The following BOD1L1 variants were observed in gnomAD, a reference collection of about 807,000 sequenced individuals.
BOD1L1 encodes the protein biorientation of chromosomes in cell division protein 1-like 1.
BOD1L1 carries 86 observed loss-of-function variants against 240.7 expected under a neutral mutation model. The observed-to-expected ratio is 0.36, with a 90% CI of 0.30 to 0.43. The LOEUF (loss-of-function observed/expected upper bound fraction) is 0.43. Ranked by LOEUF, BOD1L1 falls within the 20% of genes least tolerant of loss-of-function variation. BOD1L1 has a pLI of 1.00. For missense variants in BOD1L1, 3,554 were observed against 3,643.5 expected, an observed-to-expected ratio of 0.98 and a Z score of 0.63; for synonymous variants, 1,268 against 1,272.3, an observed-to-expected ratio of 1.00 and a Z score of 0.07.
At chr4:13,584,430 AAGAGAG>A (rs776383948) in intron 17 of BOD1L1, among the ~76,000 whole-genome samples, 1 of 109,940 alleles carries the variant, frequency 9.1e-6, no homozygotes, top group Non-Finnish European at 1.9e-5. Context: ...CGGGGAGAGA[AAGAGAG>A]AGAGAGTGTG....
chr4:13,614,883 G>A, intron 3 of BOD1L1, 73 bp from the exon 4 acceptor site: 1 of 1,410,000 alleles, frequency 7.1e-7, no homozygotes, highest in Non-Finnish European at 9.5e-7. Flanking sequence ...AATACCACAT[G>A]CCATTGTCAT....
chr4:13,605,054 T>C lies in BOD1L1; in HGVS notation c.1846A>G (p.Lys616Glu). The part of the protein sequence containing the change: ...HCEKEKISSS[K>E]ELKHVHAKSE... Reference sequence around the variant, plus strand: ...TTTGCATGAACATGCTTCAGCTCCTTTGAAGAAGAAATTTTTTCCTTTTCA... The same window carrying C: ...TTTGCATGAACATGCTTCAGCTCCTCTGAAGAAGAAATTTTTTCCTTTTCA... Residue 616 changes from lysine (K) to glutamate (E), a missense_variant, in exon 10 of 26, where the codon AAG (lysine) becomes GAG (glutamate). Around this residue, in one of 2 missense-constraint regions of BOD1L1, gnomAD observed 3,393 missense variants for 3,427.1 expected, o/e 0.99. Transcript: ENST00000040738. 1.3e-6 allele frequency: 2 copies of C among 1,559,204 alleles called. No homozygotes were observed. The highest frequency in any genetic ancestry group is 1.7e-6 in the Non-Finnish European group (2 of 1,160,144).
At chr4:13,579,212 T>A (rs763980261) in intron 22 of BOD1L1, among the ~76,000 whole-genome samples, 1 of 152,194 alleles carries the variant, frequency 6.6e-6, no homozygotes, top group Non-Finnish European at 1.5e-5. Context: ...ACAGCTTTAA[T>A]TGGAGTCCTT....
At chr4:13,577,698 C>G (rs554244159) in intron 22 of BOD1L1, 67 bp from the exon 23 acceptor site, 1 of 1,199,408 alleles carries the variant, frequency 8.3e-7, no homozygotes, top group East Asian at 2.5e-5. Flanking sequence ...AACAATCAGC[C>G]TGGCTTGTCT....
At chr4:13,584,486 G>C (rs908617538) in intron 17 of BOD1L1, among the ~76,000 whole-genome samples, 2 of 147,570 alleles carry the variant, frequency 1.4e-5, no homozygotes, top group Admixed American at 6.8e-5. Flanking sequence ...GTGTGTGTTG[G>C]AGCGAGTTTA....
intron 14 of BOD1L1, 78 bp downstream of exon 14, chr4:13,590,308 A>G: frequency 1.5e-6 from 1 of 676,142 alleles, no homozygotes; most frequent in South Asian, 2.4e-5. Flanking sequence ...TAATTAACAC[A>G]AGGCCTGGTA....
At chr4:13,577,675 A>G (rs1479086768) in intron 22 of BOD1L1, 44 bp from the exon 23 acceptor site, 1 of 1,419,756 alleles carries the variant, frequency 7.0e-7, no homozygotes, top group South Asian at 1.3e-5. Context: ...TTATTACTGT[A>G]AATTTAAATT....
At chr4:13,615,579 A>G (rs781457732) in intron 2 of BOD1L1, 77 bp from the exon 3 acceptor site, 78 of 1,291,708 alleles carry the variant, frequency 6.0e-5, no homozygotes, top group Non-Finnish European at 8.1e-5. Flanking sequence ...ATAACACTCT[A>G]CAATCTGTCA....
Position 13,604,497 on chromosome 4 carries a change from T to A in BOD1L1, c.2403A>T (p.Val801=). ...SKHRNERKLS[V]LGKDGKPVSE... is the part of the protein sequence containing the mutation. ...AAACTGGCTTTCCATCTTTGCCTAA[T>A]ACTGATAATTTCCTTTCATTCCTAT... The change falls in exon 10 of 26, where the codon GTA becomes GTT. Residue 801 remains valine, a synonymous_variant. Coordinates refer to ENST00000040738, the MANE Select transcript of BOD1L1 (RefSeq NM_148894.3). 6.5e-7 allele frequency: 1 copy of A among 1,534,056 alleles called. No homozygotes were observed.
Position 13,602,996 on chromosome 4 carries a change from G to C in BOD1L1, c.3904C>G (p.Pro1302Ala), listed in dbSNP as rs775142510. The change falls in exon 10 of 26, where the codon CCT becomes GCT. Residue 1302 changes from proline to alanine, a missense_variant. Around this residue, in one of 2 missense-constraint regions of BOD1L1, gnomAD observed 3,393 missense variants for 3,427.1 expected, o/e 0.99. Transcript: ENST00000040738. ...LRESYDPDVIPLFDKRTVLEG... is the reference protein window; with the variant it reads ...LRESYDPDVIALFDKRTVLEG... ...AAAACAGTTCTTTTGTCAAACAGAG[G>C]AATTACATCTGGATCATACGATTCC... 20 of 1,613,876 alleles carry C rather than the reference G, an allele frequency of 1.2e-5. No homozygotes were observed. In the Admixed American group the frequency reaches 3.3e-4, roughly 27 times the overall value.
intron 10 of BOD1L1, 145 bp downstream of exon 10, chr4:13,598,801 G>T: frequency 3.8e-6 from 3 of 782,138 alleles, no homozygotes; most frequent in Non-Finnish European, 3.8e-6. Flanking sequence ...GAGTTATTTT[G>T]CAACATTATG....
rs1231947962 is a variant in BOD1L1 at position 13,603,207 on chromosome 4, C to T, written c.3693G>A (p.Val1231=). ...TATGAACAGTTTCAGAATCTATATT[C>T]ACTTCAGTAGTTCCTCTATGAATGG... The part of the protein sequence containing the change: ...KEPIHRGTTE[V]NIDSETVHRM... The change falls in exon 10 of 26, where the codon GTG becomes GTA. Residue 1231 remains valine (V), a synonymous_variant. Transcript: ENST00000040738. The T allele has an allele frequency of 1.2e-6, 2 of 1,613,984 alleles. No homozygotes were observed. The highest frequency in any genetic ancestry group is 1.1e-5 in the South Asian group (1 of 91,082).
intron 13 of BOD1L1, among the ~76,000 whole-genome samples, chr4:13,591,192 C>T (rs1041597271): frequency 2.0e-5 from 3 of 152,162 alleles, no homozygotes; most frequent in South Asian, 4.1e-4. Flanking sequence ...GGCCATGCCA[C>T]TGTGCCCAGC....
chr4:13,582,553 C>A, intron 18 of BOD1L1, 99 bp downstream of exon 18: 1 of 913,816 alleles, frequency 1.1e-6, no homozygotes, highest in Non-Finnish European at 1.7e-6. Context: ...CACTTTATTA[C>A]ACAGGAAAAG....
At chr4:13,614,933 T>C in intron 3 of BOD1L1, 123 bp from the exon 4 acceptor site, 1 of 1,055,494 alleles carries the variant, frequency 9.5e-7, no homozygotes, top group Non-Finnish European at 1.3e-6. Context: ...ATCTGTATAT[T>C]CTTTTAGACT....
At chr4:13,618,034 C>T (rs181505811) in intron 2 of BOD1L1, among the ~76,000 whole-genome samples, 2 of 152,294 alleles carry the variant, frequency 1.3e-5, no homozygotes, top group Admixed American at 1.3e-4. Flanking sequence ...GACACAGCCA[C>T]AAGAACCCCT....
At chr4:13,609,038 T>C (rs1715951372) in intron 7 of BOD1L1, among the ~76,000 whole-genome samples, 2 of 152,180 alleles carry the variant, frequency 1.3e-5, no homozygotes. Flanking sequence ...TTTCCAGTGA[T>C]TCAATCATTA....
At chr4:13,586,306 G>GA (rs768245032) in intron 17 of BOD1L1, 90 bp downstream of exon 17, 11 of 629,406 alleles carry the variant, frequency 1.7e-5, no homozygotes, top group Non-Finnish European at 2.9e-5. Context: ...ATAGTAAAAT[G>GA]AAAAAAATAT....
chr4:13,573,476 C>CTATCTATCTATCTATCT (rs1368322118), intron 25 of BOD1L1, among the ~76,000 whole-genome samples: 4 of 148,142 alleles, frequency 2.7e-5, no homozygotes, highest in Non-Finnish European at 4.5e-5. Context: ...ATCTATCTTT[C>CTATCTATCTATCTATCT]TTTCTTTCTT....
Sources: allele counts gnomAD v4.1 joint callset (sites outside exome capture counted in the v4.1 genomes callset), GRCh38; gene constraint gnomAD v4.1.1; regional missense constraint gnomAD v4.1.1; transcripts MANE v1.5; gene names NCBI Gene and HGNC (gene_info 2026-07-23, HGNC 2026-07-21).